Variants in CADPS observed in about 807,000 individuals in gnomAD.
CADPS encodes calcium dependent secretion activator.
CADPS carries 57 observed loss-of-function variants against 167.3 expected under a neutral mutation model. The ratio of observed to expected loss-of-function variants is 0.34; its 90% CI spans 0.28 to 0.42. The LOEUF is 0.42. Among genes scored for constraint, CADPS ranks in the 20% least tolerant of loss-of-function variants. The pLI is 1.00. For synonymous variants in CADPS, 676 were observed against 635.3 expected (o/e 1.06, Z -0.96); for missense variants, 1,414 against 1,738.1 (o/e 0.81, Z 3.32).
chr3:62,674,708 T>A (rs539067166), intron 3 of CADPS, among the ~76,000 whole-genome samples: 1 of 152,332 alleles, frequency 6.6e-6, no homozygotes, highest in East Asian at 1.9e-4. Flanking sequence ...TTATCAAGTA[T>A]GTCCTGCTTA....
At chr3:62,651,970 G>A (rs942598755) in intron 4 of CADPS, among the ~76,000 whole-genome samples, 6 of 151,912 alleles carry the variant, frequency 3.9e-5, no homozygotes, top group Admixed American at 3.9e-4. Context: ...AATATCCTGG[G>A]GTAGACCCAG....
At chr3:62,771,353 T>A (rs552150181) in intron 1 of CADPS, among the ~76,000 whole-genome samples, 2 of 152,352 alleles carry the variant, frequency 1.3e-5, no homozygotes, top group Non-Finnish European at 2.9e-5. Context: ...ATACTCATCT[T>A]TGACTTCTTA....
At chr3:62,492,208 T>C in intron 20 of CADPS, 82 bp downstream of exon 20, 1 of 1,203,134 alleles carries the variant, frequency 8.3e-7, no homozygotes, top group Non-Finnish European at 1.2e-6. Context: ...AAGCCTGTAG[T>C]CTGCTTGGGA....
intron 3 of CADPS, among the ~76,000 whole-genome samples, chr3:62,686,661 T>C (rs1275573972): frequency 1.3e-5 from 2 of 152,070 alleles, no homozygotes; most frequent in African/African-American, 4.8e-5. Context: ...CCATTCTTTC[T>C]GATTTTGCCT....
chr3:62,537,456 A>T (rs2074908838), intron 11 of CADPS, among the ~76,000 whole-genome samples: 1 of 152,298 alleles, frequency 6.6e-6, no homozygotes, highest in Non-Finnish European at 1.5e-5. Context: ...GTGTCCAGGC[A>T]AATCCTAAAG....
intron 3 of CADPS, among the ~76,000 whole-genome samples, chr3:62,751,794 T>A (rs914778195): frequency 2.0e-5 from 3 of 152,194 alleles, no homozygotes; most frequent in Admixed American, 2.0e-4. Context: ...AATATTACTG[T>A]ACTTTTTTCT....
intron 6 of CADPS, among the ~76,000 whole-genome samples, chr3:62,616,259 G>A (rs918008956): frequency 2.0e-5 from 3 of 152,088 alleles, no homozygotes; most frequent in African/African-American, 7.2e-5. Context: ...TTTGACATGT[G>A]TCCAACATGA....
intron 6 of CADPS, among the ~76,000 whole-genome samples, chr3:62,597,705 T>C (rs895235290): frequency 6.6e-6 from 1 of 152,198 alleles, no homozygotes; most frequent in Admixed American, 6.5e-5. Flanking sequence ...TTCAGGCCGC[T>C]GGAGGCTGCC....
At chr3:62,779,734 G>T in intron 1 of CADPS, 2 of 373,898 alleles carry the variant, frequency 5.3e-6, no homozygotes, top group South Asian at 2.3e-5. Context: ...CCAGCCTAAG[G>T]TCCAAGGAAG....
intron 7 of CADPS, 77 bp downstream of exon 7, chr3:62,592,560 C>G (rs1203902871): frequency 9.3e-7 from 1 of 1,070,990 alleles, no homozygotes; most frequent in Non-Finnish European, 1.4e-6. Flanking sequence ...AATGCTGCCT[C>G]TTGGTGACCT....
chr3:62,431,427 G>T (rs1303621628), intron 28 of CADPS, among the ~76,000 whole-genome samples: 1 of 151,478 alleles, frequency 6.6e-6, no homozygotes, highest in Non-Finnish European at 1.5e-5. Flanking sequence ...ACTAGCTTCA[G>T]AAGTTTTCCT....
chr3:62,592,592 G>A (rs777321531), intron 7 of CADPS, 45 bp downstream of exon 7: 1 of 1,464,112 alleles, frequency 6.8e-7, no homozygotes, highest in Non-Finnish European at 9.6e-7. Context: ...ACCTAGCTGG[G>A]GAAATCCTCT....
At chr3:62,555,998 T>C (rs994697943) in intron 10 of CADPS, among the ~76,000 whole-genome samples, 6 of 152,158 alleles carry the variant, frequency 3.9e-5, no homozygotes, top group Non-Finnish European at 8.8e-5. Context: ...AGCGATCCTC[T>C]CGCCTTGGGA....
chr3:62,722,830 G>C (rs141946248), intron 3 of CADPS, among the ~76,000 whole-genome samples: 6 of 152,150 alleles, frequency 3.9e-5, no homozygotes, highest in Admixed American at 3.3e-4. Flanking sequence ...GTCTGTGTGC[G>C]TGGTGGGGGC....
At chr3:62,540,595 G>T in intron 11 of CADPS, among the ~76,000 whole-genome samples, 1 of 152,128 alleles carries the variant, frequency 6.6e-6, no homozygotes, top group Non-Finnish European at 1.5e-5. Context: ...AGAATTCTAG[G>T]TGCAGGTGTC....
chr3:62,748,921 T>C (rs2082112802), intron 3 of CADPS, among the ~76,000 whole-genome samples: 2 of 152,162 alleles, frequency 1.3e-5, no homozygotes, highest in Admixed American at 1.3e-4. Flanking sequence ...TCTAAAACCC[T>C]TGGACTCACA....
chr3:62,785,173 C>T (rs1035293416), intron 1 of CADPS, among the ~76,000 whole-genome samples: 3 of 152,124 alleles, frequency 2.0e-5, no homozygotes, highest in African/African-American at 7.2e-5. Context: ...ACTAACCTCT[C>T]TACCTGTTTA....
chr3:62,652,442 G>C (rs373610646), intron 4 of CADPS, among the ~76,000 whole-genome samples: 1 of 150,836 alleles, frequency 6.6e-6, no homozygotes, highest in Admixed American at 6.6e-5. Flanking sequence ...GTAACATATG[G>C]GCATCTGAGT....
At chr3:62,786,001 C>T (rs2092385539) in intron 1 of CADPS, among the ~76,000 whole-genome samples, 1 of 150,770 alleles carries the variant, frequency 6.6e-6, no homozygotes, top group African/African-American at 2.4e-5. Flanking sequence ...TCATTTGAGG[C>T]CAGGAGTTCA....
Sources: gnomAD v4.1 joint callset for allele counts (sites outside exome capture counted in the v4.1 genomes callset) on GRCh38, gnomAD v4.1.1 for gene constraint, MANE v1.5 for transcripts, NCBI Gene and HGNC (gene_info 2026-07-23, HGNC 2026-07-21) for gene names.